SCAPER: variants seen among roughly 807,000 people sequenced by gnomAD.
SCAPER encodes S-phase cyclin A associated protein in the ER, also known as S phase cyclin A-associated protein in the endoplasmic reticulum.
Under a neutral mutation model 182.2 loss-of-function variants are expected in SCAPER, and 98 were observed. That is an observed-to-expected ratio of 0.54 (90% confidence interval 0.46 to 0.64). The LOEUF (loss-of-function observed/expected upper bound fraction) is 0.64. Ranked by LOEUF, SCAPER falls within the 30% of genes least tolerant of loss-of-function variation. SCAPER has a pLI of 0.00. For synonymous variants in SCAPER, 605 were observed against 564.6 expected (o/e 1.07, Z -1.01); for missense variants, 1,432 against 1,690.0 (o/e 0.85, Z 2.68).
At chr15:76,698,141 T>A (rs1024398203) in intron 20 of SCAPER, among the ~76,000 whole-genome samples, 1 of 152,010 alleles carries the variant, frequency 6.6e-6, no homozygotes, top group Non-Finnish European at 1.5e-5. Context: ...AAACTACTCA[T>A]ACGATTTGAG....
chr15:76,676,395 A>G (rs1057103443), intron 20 of SCAPER, among the ~76,000 whole-genome samples: 1 of 152,204 alleles, frequency 6.6e-6, no homozygotes, highest in Admixed American at 6.5e-5. Flanking sequence ...ATACTGGTAT[A>G]CCTGCCTCTG....
chr15:76,819,763 G>A (rs896072088), intron 5 of SCAPER, among the ~76,000 whole-genome samples: 1 of 152,204 alleles, frequency 6.6e-6, no homozygotes, highest in African/African-American at 2.4e-5. Context: ...AGAGAGGAAG[G>A]CTTTTGCACA....
At chr15:76,841,413 G>A (rs922133639) in intron 5 of SCAPER, among the ~76,000 whole-genome samples, 2 of 152,104 alleles carry the variant, frequency 1.3e-5, no homozygotes, top group African/African-American at 4.8e-5. Context: ...TTGGGAGGCC[G>A]AGATGGGTGG....
chr15:76,788,621 T>C (rs1403511802), intron 8 of SCAPER, among the ~76,000 whole-genome samples: 1 of 152,186 alleles, frequency 6.6e-6, no homozygotes, highest in Non-Finnish European at 1.5e-5. Flanking sequence ...ATGTTGTATG[T>C]TTATTTTAAA....
intron 20 of SCAPER, among the ~76,000 whole-genome samples, chr15:76,684,208 C>T (rs765674938): frequency 6.6e-6 from 1 of 151,988 alleles, no homozygotes; most frequent in Non-Finnish European, 1.5e-5. Context: ...ATCAAATCTA[C>T]ACATACGAAT....
At chr15:76,692,025 A>T (rs2048735253) in intron 20 of SCAPER, among the ~76,000 whole-genome samples, 1 of 152,200 alleles carries the variant, frequency 6.6e-6, no homozygotes, top group African/African-American at 2.4e-5. Flanking sequence ...TGCATTTCTT[A>T]TACTAAAAAG....
chr15:76,903,158 T>C (rs1373137014), intron 1 of SCAPER, among the ~76,000 whole-genome samples: 4 of 152,154 alleles, frequency 2.6e-5, no homozygotes. Context: ...AAGACATTAA[T>C]GACCTTAATA....
At chr15:76,702,209 G>A (rs1006275180) in intron 19 of SCAPER, among the ~76,000 whole-genome samples, 2 of 151,884 alleles carry the variant, frequency 1.3e-5, no homozygotes, top group Non-Finnish European at 2.9e-5. Flanking sequence ...CAGCCTAAGA[G>A]GAAATTATTT....
chr15:76,647,598 A>C (rs947368730), intron 21 of SCAPER, among the ~76,000 whole-genome samples: 1 of 152,220 alleles, frequency 6.6e-6, no homozygotes, highest in African/African-American at 2.4e-5. Flanking sequence ...TAGCAGAGTG[A>C]AAAGATGTAT....
chr15:76,513,771 A>G (rs2144101439), intron 23 of SCAPER, among the ~76,000 whole-genome samples: 1 of 152,344 alleles, frequency 6.6e-6, no homozygotes, highest in South Asian at 2.1e-4. Flanking sequence ...AAGCAAGTAC[A>G]CTAAAAATCC....
intron 2 of SCAPER, among the ~76,000 whole-genome samples, chr15:76,875,780 GCAGAACTTTGCGGTGAATGTCA>G (rs2073098341): frequency 6.6e-6 from 1 of 152,226 alleles, no homozygotes; most frequent in Non-Finnish European, 1.5e-5. Context: ...GAGTGAAGCT[GCAGAACTTTGCGGTGAATGTCA>G]CAGCTCATAA....
At chr15:76,649,408 C>T (rs759503396) in intron 21 of SCAPER, among the ~76,000 whole-genome samples, 5 of 151,570 alleles carry the variant, frequency 3.3e-5, no homozygotes, top group Non-Finnish European at 7.4e-5. Context: ...CCAGCCTAGG[C>T]GACCGAATGA....
At chr15:76,787,047 T>C (rs1481671732) in intron 8 of SCAPER, among the ~76,000 whole-genome samples, 1 of 152,172 alleles carries the variant, frequency 6.6e-6, no homozygotes, top group Non-Finnish European at 1.5e-5. Flanking sequence ...GTAAAGATAC[T>C]CTCTCTAAAT....
At chr15:76,683,376 G>A (rs2057843967) in intron 20 of SCAPER, among the ~76,000 whole-genome samples, 1 of 152,020 alleles carries the variant, frequency 6.6e-6, no homozygotes, top group Non-Finnish European at 1.5e-5. Flanking sequence ...AAAGAAAAAT[G>A]ACCAAAACCT....
intron 26 of SCAPER, among the ~76,000 whole-genome samples, chr15:76,414,328 G>A (rs1334032655): frequency 1.3e-5 from 2 of 151,940 alleles, no homozygotes; most frequent in Non-Finnish European, 2.9e-5. Context: ...TTCTGTTTTG[G>A]TGGAATAACA....
chr15:76,455,006 G>C (rs1032263860), intron 25 of SCAPER, among the ~76,000 whole-genome samples: 1 of 152,068 alleles, frequency 6.6e-6, no homozygotes, highest in Non-Finnish European at 1.5e-5. Flanking sequence ...GCTGTTCAAA[G>C]TATTTTCTTA....
intron 2 of SCAPER, 114 bp from the exon 3 acceptor site, chr15:76,862,647 G>T: frequency 3.3e-6 from 2 of 602,092 alleles, no homozygotes; most frequent in Admixed American, 3.4e-5. Flanking sequence ...AAACTAATTT[G>T]GGATGTGGTG....
At chr15:76,686,660 A>T (rs1451274780) in intron 20 of SCAPER, among the ~76,000 whole-genome samples, 8 of 152,114 alleles carry the variant, frequency 5.3e-5, no homozygotes, top group Non-Finnish European at 1.0e-4. Context: ...ATAAACACCA[A>T]TCAAAAGGAT....
At chr15:76,787,493 A>AT (rs1199928798) in intron 8 of SCAPER, among the ~76,000 whole-genome samples, 1 of 152,102 alleles carries the variant, frequency 6.6e-6, no homozygotes, top group East Asian at 1.9e-4. Flanking sequence ...CGCCCAGCTA[A>AT]TTTTTTATTT....
Sources: gnomAD v4.1 joint callset for allele counts (sites outside exome capture counted in the v4.1 genomes callset) on GRCh38, gnomAD v4.1.1 for gene constraint, MANE v1.5 for transcripts, NCBI Gene and HGNC (gene_info 2026-07-23, HGNC 2026-07-21) for gene names.